PROS1: variants seen among roughly 807,000 people sequenced by gnomAD.
PROS1 encodes vitamin K-dependent protein S.
PROS1 carries 29 observed loss-of-function variants against 75.9 expected under a neutral mutation model. The observed-to-expected ratio is 0.38, with a 90% CI of 0.28 to 0.52. The LOEUF is 0.52. Ranked by LOEUF, PROS1 falls within the 20% of genes least tolerant of loss-of-function variation. PROS1 has a pLI of 0.83. For synonymous variants in PROS1, 245 were observed against 280.6 expected (o/e 0.87, Z 1.27); for missense variants, 680 against 810.3 (o/e 0.84, Z 1.95).
At chr3:93,916,753 G>A (rs957006115) in intron 3 of PROS1, among the ~76,000 whole-genome samples, 1 of 152,216 alleles carries the variant, frequency 6.6e-6, no homozygotes, top group African/African-American at 2.4e-5. Flanking sequence ...ACCCTTTCAA[G>A]AGAGGTTCTG....
At chr3:93,959,204 A>C (rs1709659886) in intron 1 of PROS1, among the ~76,000 whole-genome samples, 1 of 152,118 alleles carries the variant, frequency 6.6e-6, no homozygotes, top group Non-Finnish European at 1.5e-5. Context: ...AGTCACAGCT[A>C]TTCAGGAGCT....
chr3:93,953,948 A>T (rs1211524636), intron 1 of PROS1, among the ~76,000 whole-genome samples: 1 of 152,190 alleles, frequency 6.6e-6, no homozygotes, highest in African/African-American at 2.4e-5. Flanking sequence ...CAGAGAGCCA[A>T]ATCATGAGTG....
At position 93,968,697 on chromosome 3, in the gene PROS1, G is replaced by A. The variant is rs186769963; in HGVS notation, c.76+4977C>T. The stretch of plus-strand genomic sequence containing the variant: ...CACTGAATTATAAGCTCAGACTGCT[G>A]TGTTGCCATTTGAAGCTCTTTACCT... On this transcript the variant is annotated intron_variant, in intron 1 of 14. Transcript: ENST00000394236. 3.3e-5 allele frequency among the ~76,000 whole-genome samples: 5 copies of A among 152,160 alleles called. No homozygotes were observed. The East Asian group carries it at 7.7e-4, about 23-fold the overall frequency.
chr3:93,874,051 A>T lies in PROS1; in HGVS notation c.*194T>A. 1.6e-6 allele frequency: 1 copy of T among 612,526 alleles called. No homozygotes were observed. The allele number at this position is 612,526 out of a possible 1,614,324, so 37.9% of individuals were successfully genotyped here. A position where few individuals can be genotyped will look rare whatever the true frequency, so the allele number is the denominator to read the frequency against. On this transcript the variant is annotated 3_prime_UTR_variant, in exon 15 of 15. Coordinates refer to ENST00000394236, the MANE Select transcript of PROS1 (RefSeq NM_000313.4). Reference sequence around the variant, plus strand: ...TTTCACTATTCTTAGATAGCAAGAGAAGTAAGAATTTCTTTACTGTGATTT... The same window carrying T: ...TTTCACTATTCTTAGATAGCAAGAGTAGTAAGAATTTCTTTACTGTGATTT...
At chr3:93,965,005 C>G (rs946388035) in intron 1 of PROS1, among the ~76,000 whole-genome samples, 1 of 152,162 alleles carries the variant, frequency 6.6e-6, no homozygotes, top group Non-Finnish European at 1.5e-5. Context: ...TTAGCTCACA[C>G]CCGACCAATC....
chr3:93,940,611 C>A (rs967920213), intron 1 of PROS1, among the ~76,000 whole-genome samples: 7 of 151,958 alleles, frequency 4.6e-5, no homozygotes, highest in African/African-American at 7.2e-5. Flanking sequence ...TTCCCTGATG[C>A]CACCCTTCTT....
chr3:93,934,120 G>C (rs1303318380), intron 1 of PROS1, among the ~76,000 whole-genome samples: 2 of 150,706 alleles, frequency 1.3e-5, no homozygotes, highest in Non-Finnish European at 3.0e-5. Flanking sequence ...GCGGAGGCTG[G>C]AGTGAGCAGA....
At chr3:93,911,072 C>T (rs552987426) in intron 3 of PROS1, 2 of 274,982 alleles carry the variant, frequency 7.3e-6, no homozygotes, top group South Asian at 7.8e-5. Context: ...TGACCAGAGT[C>T]TGATTTATAA....
At chr3:93,935,560 C>T (rs901186246) in intron 1 of PROS1, among the ~76,000 whole-genome samples, 4 of 152,084 alleles carry the variant, frequency 2.6e-5, no homozygotes, top group African/African-American at 9.7e-5. Flanking sequence ...CCTAATTTTG[C>T]AATATCGCCC....
intron 1 of PROS1, among the ~76,000 whole-genome samples, chr3:93,935,866 T>A (rs1158050184): frequency 6.8e-6 from 1 of 146,584 alleles, no homozygotes; most frequent in Non-Finnish European, 1.5e-5. Flanking sequence ...AAGGAGAGAA[T>A]ATCATTGGGC....
At chr3:93,955,955 A>G (rs918523586) in intron 1 of PROS1, among the ~76,000 whole-genome samples, 1 of 152,206 alleles carries the variant, frequency 6.6e-6, no homozygotes, top group Non-Finnish European at 1.5e-5. Context: ...CACTTGGTTT[A>G]CTATTTGACT....
intron 11 of PROS1, 147 bp downstream of exon 11, chr3:93,886,189 T>C: frequency 1.5e-6 from 1 of 673,144 alleles, no homozygotes; most frequent in South Asian, 1.9e-5. Flanking sequence ...GGGTTACTAA[T>C]GTTATTTTTC....
intron 1 of PROS1, among the ~76,000 whole-genome samples, chr3:93,946,022 G>C (rs1401275135): frequency 3.3e-5 from 5 of 151,978 alleles, no homozygotes; most frequent in African/African-American, 1.2e-4. Flanking sequence ...ATAACAGACA[G>C]AGAGCCAAAT....
chr3:93,923,285 A>G (rs896451040), intron 3 of PROS1, among the ~76,000 whole-genome samples: 3 of 152,192 alleles, frequency 2.0e-5, no homozygotes, highest in Non-Finnish European at 4.4e-5. Flanking sequence ...CTGTATTAGC[A>G]TGGTATTTAT....
chr3:93,933,872 G>A (rs574326959), intron 1 of PROS1, among the ~76,000 whole-genome samples: 11 of 152,250 alleles, frequency 7.2e-5, no homozygotes, highest in East Asian at 1.9e-4. Context: ...AGCTGGGCAC[G>A]GTGGTGCGTG....
In PROS1 at chr3:93,896,591, A is replaced by T. The variant is rs777851115; in HGVS notation, c.950T>A (p.Leu317Ter). 6.2e-7 allele frequency: 1 copy of T among 1,611,900 alleles called. No homozygotes were observed. Among genetic ancestry groups the T allele is most frequent in the South Asian group, 1.1e-5 (1 of 91,056 alleles). The change falls in exon 9 of 15, where the codon TTG (leucine) becomes TAG (stop). Residue 317 changes from leucine (L) to a stop codon, truncating the protein, a stop_gained. Coordinates refer to ENST00000394236, the MANE Select transcript of PROS1 (RefSeq NM_000313.4). LOFTEE classifies it high-confidence loss of function. Reference protein sequence around the residue: ...AGVVLYLKFRLPEISRFSAEF... With the variant: ...AGVVLYLKFR ...GGTTCCTCACCTGCTGATTTCTGGC[A>T]AACGAAATTTTAAATATAAAACAAC... is the stretch of plus-strand genomic sequence containing the variant.
chr3:93,973,446 A>C (rs1709911987), intron 1 of PROS1: 1 of 553,482 alleles, frequency 1.8e-6, no homozygotes, highest in African/African-American at 2.0e-5. Flanking sequence ...AGGTTCTTAG[A>C]TCTGTCCTGT....
At chr3:93,960,238 A>T (rs1709682695) in intron 1 of PROS1, among the ~76,000 whole-genome samples, 1 of 146,976 alleles carries the variant, frequency 6.8e-6, no homozygotes, top group African/African-American at 2.5e-5. Context: ...GTGCAGTGGC[A>T]CGATCTTAGC....
intron 1 of PROS1, among the ~76,000 whole-genome samples, chr3:93,948,138 T>C (rs2107237923): frequency 6.6e-6 from 1 of 152,324 alleles, no homozygotes; most frequent in South Asian, 2.1e-4. Context: ...GATCGCCAGA[T>C]ATTTGCATAC....
Sources: gnomAD v4.1 joint callset for allele counts (sites outside exome capture counted in the v4.1 genomes callset) on GRCh38, gnomAD v4.1.1 for gene constraint, MANE v1.5 for transcripts, NCBI Gene and HGNC (gene_info 2026-07-23, HGNC 2026-07-21) for gene names.